The following NCKAP5 variants were observed in gnomAD, a reference collection of about 807,000 sequenced individuals.
NCKAP5 encodes NCK associated protein 5.
Under a neutral mutation model 167.0 loss-of-function variants are expected in NCKAP5, and 92 were observed. The observed-to-expected ratio is 0.55, with a 90% CI of 0.47 to 0.66. The LOEUF is 0.66. Among genes scored for constraint, NCKAP5 ranks in the 30% least tolerant of loss-of-function variants. The pLI, the probability that NCKAP5 is intolerant of heterozygous loss-of-function variation, is 0.00. For missense variants in NCKAP5, 2,378 were observed against 2,315.0 expected (o/e 1.03, Z -0.56); for synonymous variants, 891 against 877.4 (o/e 1.02, Z -0.27).
chr2:132,855,654 T>C (rs894507520), intron 11 of NCKAP5, among the ~76,000 whole-genome samples: 1 of 152,186 alleles, frequency 6.6e-6, no homozygotes, highest in South Asian at 2.1e-4. Flanking sequence ...CCAGAATCGA[T>C]CAGAATGAAA....
intron 6 of NCKAP5, among the ~76,000 whole-genome samples, chr2:133,089,021 T>A (rs2081085377): frequency 6.6e-6 from 1 of 152,194 alleles, no homozygotes; most frequent in Admixed American, 6.5e-5. Flanking sequence ...ACAGAGAAGA[T>A]GCAGAGACAA....
At chr2:133,063,057 A>G (rs2080064888) in intron 6 of NCKAP5, among the ~76,000 whole-genome samples, 1 of 152,230 alleles carries the variant, frequency 6.6e-6, no homozygotes, top group Non-Finnish European at 1.5e-5. Flanking sequence ...CCCAGCTCCC[A>G]TGGAAGGCAC....
chr2:133,476,559 T>C (rs1679919965), intron 3 of NCKAP5, among the ~76,000 whole-genome samples: 1 of 152,206 alleles, frequency 6.6e-6, no homozygotes, highest in South Asian at 2.1e-4. Flanking sequence ...CATATTGCCT[T>C]CCTGCCTTCA....
At chr2:133,401,808 T>C (rs1007694328) in intron 3 of NCKAP5, among the ~76,000 whole-genome samples, 1 of 152,210 alleles carries the variant, frequency 6.6e-6, no homozygotes, top group Non-Finnish European at 1.5e-5. Context: ...CCTTTTTGAC[T>C]TTTGTTAGCT....
At chr2:132,948,672 G>A (rs1159556626) in intron 8 of NCKAP5, among the ~76,000 whole-genome samples, 1 of 152,098 alleles carries the variant, frequency 6.6e-6, no homozygotes, top group East Asian at 1.9e-4. Context: ...CAATGCCAGA[G>A]ATGAAATGCA....
At chr2:132,736,297 T>G (rs1036884809) in intron 16 of NCKAP5, among the ~76,000 whole-genome samples, 1 of 152,208 alleles carries the variant, frequency 6.6e-6, no homozygotes, top group Non-Finnish European at 1.5e-5. Flanking sequence ...GCACAATTAG[T>G]TTCTTGCAGT....
intron 3 of NCKAP5, among the ~76,000 whole-genome samples, chr2:133,408,983 A>G (rs1460039548): frequency 6.6e-6 from 1 of 152,224 alleles, no homozygotes; most frequent in Non-Finnish European, 1.5e-5. Context: ...TGAGGAATAA[A>G]TGTTGAATAC....
intron 8 of NCKAP5, among the ~76,000 whole-genome samples, chr2:132,920,659 T>TTATATGTA (rs1695251388): frequency 1.2e-5 from 1 of 82,018 alleles, no homozygotes; most frequent in East Asian, 3.8e-4. Flanking sequence ...ATGGAAGAAC[T>TTATATGTA]TATATATATA....
At chr2:132,965,882 T>C (rs1009808490) in intron 7 of NCKAP5, among the ~76,000 whole-genome samples, 13 of 150,816 alleles carry the variant, frequency 8.6e-5, no homozygotes, top group African/African-American at 3.2e-4. Context: ...CCATCACACA[T>C]CTTTATAAGG....
At chr2:133,197,745 T>G (rs1452634697) in intron 5 of NCKAP5, among the ~76,000 whole-genome samples, 4 of 152,132 alleles carry the variant, frequency 2.6e-5, no homozygotes, top group Admixed American at 2.6e-4. Flanking sequence ...GGTCATGAGA[T>G]AGAGACCATC....
intron 5 of NCKAP5, among the ~76,000 whole-genome samples, chr2:133,203,491 T>C (rs954571762): frequency 1.5e-4 from 23 of 152,144 alleles, no homozygotes; most frequent in Non-Finnish European, 2.6e-4. Context: ...TATACATATG[T>C]AACAAACCTG....
intron 2 of NCKAP5, among the ~76,000 whole-genome samples, chr2:133,532,646 A>G (rs556588330): frequency 6.6e-6 from 1 of 152,092 alleles, no homozygotes; most frequent in Non-Finnish European, 1.5e-5. Context: ...TGACAGGAAA[A>G]TATCAGGCCA....
chr2:132,815,092 T>C (rs139456765), intron 11 of NCKAP5, among the ~76,000 whole-genome samples: 1 of 152,346 alleles, frequency 6.6e-6, no homozygotes, highest in Non-Finnish European at 1.5e-5. Flanking sequence ...CCTAAAATTA[T>C]TCCGTCTTCT....
chr2:132,906,741 A>T (rs147646262), intron 8 of NCKAP5, among the ~76,000 whole-genome samples: 1 of 152,328 alleles, frequency 6.6e-6, no homozygotes, highest in African/African-American at 2.4e-5. Context: ...AGCAAACATA[A>T]AACATGGAGT....
chr2:133,552,658 G>T (rs1179231997), intron 2 of NCKAP5, among the ~76,000 whole-genome samples: 2 of 143,232 alleles, frequency 1.4e-5, no homozygotes, highest in Non-Finnish European at 3.0e-5. Flanking sequence ...TGACGAGTTA[G>T]TGGGTGCAGT....
intron 6 of NCKAP5, among the ~76,000 whole-genome samples, chr2:133,039,223 G>C (rs1281540416): frequency 6.6e-6 from 1 of 152,186 alleles, no homozygotes; most frequent in Admixed American, 6.5e-5. Context: ...AGATCACCTT[G>C]ACTTCTAGGT....
At chr2:133,055,033 T>C (rs2079748338) in intron 6 of NCKAP5, among the ~76,000 whole-genome samples, 1 of 152,180 alleles carries the variant, frequency 6.6e-6, no homozygotes, top group Admixed American at 6.5e-5. Context: ...CATTCTGCAT[T>C]TTCTTGACTC....
intron 3 of NCKAP5, among the ~76,000 whole-genome samples, chr2:133,447,136 T>C (rs1172816944): frequency 1.3e-5 from 2 of 152,134 alleles, no homozygotes; most frequent in Non-Finnish European, 2.9e-5. Flanking sequence ...CACCACGACT[T>C]TGAACTCCAT....
rs79051962 is a variant in NCKAP5, at chr2:133,380,790, T to C, written c.70-77680A>G. On this transcript the variant is annotated intron_variant, in intron 3 of 19. Transcript: ENST00000409261. ...GTTTTAACAAGATCCCTAGGTAATA[T>C]GTTTGCACATTAACTTGGAGAAGCA... 7.2e-3 allele frequency among the ~76,000 whole-genome samples: 1,104 copies of C among 152,340 alleles called. 18 individuals carry two copies. The highest frequency in any genetic ancestry group is 0.025 in the African/African-American group (1,049 of 41,570).
Sources: gnomAD v4.1 joint callset for allele counts (sites outside exome capture counted in the v4.1 genomes callset) on GRCh38, gnomAD v4.1.1 for gene constraint, MANE v1.5 for transcripts, NCBI Gene and HGNC (gene_info 2026-07-23, HGNC 2026-07-21) for gene names.